The following RAD54B variants were observed in gnomAD, a reference collection of about 807,000 sequenced individuals.
RAD54B encodes RAD54 homolog B, also known as DNA repair and recombination protein RAD54B.
In RAD54B, 78 loss-of-function variants were observed where a neutral mutation model predicts 95.8. The observed-to-expected ratio is 0.81, with a 90% CI of 0.68 to 0.98. The LOEUF (loss-of-function observed/expected upper bound fraction) is 0.98. RAD54B is among the 50% of genes least tolerant of loss of function. The pLI, the probability that RAD54B is intolerant of heterozygous loss-of-function variation, is 0.00. For missense variants in RAD54B, 957 were observed against 1,056.6 expected, an observed-to-expected ratio of 0.91 and a Z score of 1.31; for synonymous variants, 328 against 354.9, an observed-to-expected ratio of 0.92 and a Z score of 0.85.
intron 3 of RAD54B, chr8:94,427,807 ACT>A (rs1049250150): frequency 2.1e-6 from 2 of 958,932 alleles, no homozygotes; most frequent in African/African-American, 1.8e-5. Context: ...AATTTATTAC[ACT>A]CTAAGTTATT....
At chr8:94,453,339 G>T (rs995261304) in intron 3 of RAD54B, among the ~76,000 whole-genome samples, 2 of 152,076 alleles carry the variant, frequency 1.3e-5, no homozygotes, top group Non-Finnish European at 2.9e-5. Flanking sequence ...AACCAGCCTG[G>T]CCAATATGGT....
chr8:94,392,262 TTTG>T (rs776672014), intron 9 of RAD54B, among the ~76,000 whole-genome samples: 9 of 152,178 alleles, frequency 5.9e-5, no homozygotes, highest in South Asian at 4.1e-4. Context: ...TTGCTTCTTT[TTTG>T]TTGTTGTTGT....
intron 3 of RAD54B, among the ~76,000 whole-genome samples, chr8:94,453,161 AAACT>A (rs1305541773): frequency 1.3e-5 from 2 of 152,218 alleles, no homozygotes; most frequent in African/African-American, 4.8e-5. Context: ...GATCCCAAAC[AAACT>A]AAATATCCAT....
chr8:94,378,327 C>G lies in RAD54B; in HGVS notation c.2368G>C (p.Gly790Arg), dbSNP rs897014810. The G allele has an allele frequency of 6.2e-7, 1 of 1,613,960 alleles. No homozygotes were observed. The highest frequency in any genetic ancestry group is 1.3e-5 in the African/African-American group (1 of 75,022). ...QRQISKQGLC[G>R]AVVDLTKTSE... ...GTCTTGGTGAGGTCGACAACTGCCC[C>G]ACAAAGACCTTGCTTACTGATCTGC... The change falls in exon 14 of 15, where the codon GGG becomes CGG. Residue 790 changes from glycine (G) to arginine (R), a missense_variant. Coordinates refer to ENST00000336148, the MANE Select transcript of RAD54B (RefSeq NM_012415.3).
intron 3 of RAD54B, among the ~76,000 whole-genome samples, chr8:94,422,863 A>T (rs1811857887): frequency 6.7e-6 from 1 of 149,600 alleles, no homozygotes. Context: ...GCTATGTTCC[A>T]CTATCCTATG....
In RAD54B at chr8:94,405,877, T is replaced by G. The variant is rs967359609; in HGVS notation, c.781+1562A>C. Among the ~76,000 whole-genome samples, 16 of 152,264 alleles carry G rather than the reference T, an allele frequency of 1.1e-4. No individual in the cohort carries two copies. In the East Asian group the frequency reaches 2.7e-3, roughly 26 times the overall value. ...TTAAGATGTTTCTTTATCTTCACAA[T>G]GATGAAGACGATCATTTAATATTAA... is the stretch of plus-strand genomic sequence containing the variant. On this transcript the variant is annotated intron_variant, in intron 5 of 14. Coordinates refer to ENST00000336148, the MANE Select transcript of RAD54B (RefSeq NM_012415.3).
intron 1 of RAD54B, among the ~76,000 whole-genome samples, chr8:94,468,500 G>C (rs1813084705): frequency 6.6e-6 from 1 of 151,060 alleles, no homozygotes; most frequent in Non-Finnish European, 1.5e-5. Flanking sequence ...CTTGAACCTA[G>C]GAGCTTCGTC....
chr8:94,400,256 C>G lies in RAD54B; in HGVS notation c.1152G>C (p.Lys384Asn). The change falls in exon 7 of 15, where the codon AAG (lysine) becomes AAC (asparagine). Residue 384 changes from lysine (K) to asparagine (N), a missense_variant. Transcript: ENST00000336148. ...FQKWLGSERI[K>N]IFTVDQDHKV... ...TTCTTACCTGATCAACAGTAAATAT[C>G]TTGATCCTTTCACTTCCTAGCCATT... is the stretch of plus-strand genomic sequence containing the variant. 6.2e-7 allele frequency: 1 copy of G among 1,612,606 alleles called. No individual in the cohort carries two copies. Among genetic ancestry groups the G allele is most frequent in the African/African-American group, 1.3e-5 (1 of 74,988 alleles).
intron 3 of RAD54B, among the ~76,000 whole-genome samples, chr8:94,416,200 G>A (rs2130054357): frequency 6.6e-6 from 1 of 151,596 alleles, no homozygotes; most frequent in South Asian, 2.1e-4. Context: ...AAAATGATGA[G>A]TTCATGTCCT....
At chr8:94,407,747 A>AT in intron 4 of RAD54B, 27 bp from the exon 5 acceptor site, 4 of 1,588,318 alleles carry the variant, frequency 2.5e-6, no homozygotes, top group Non-Finnish European at 3.4e-6. Context: ...AAAAAAATTA[A>AT]TTGACACTCT....
At chr8:94,387,397 C>A in intron 10 of RAD54B, 1 of 328,618 alleles carries the variant, frequency 3.0e-6, no homozygotes, top group Admixed American at 4.8e-5. Context: ...TACCTTCACC[C>A]TGCAAGTGTA....
intron 3 of RAD54B, among the ~76,000 whole-genome samples, chr8:94,434,685 A>G (rs1380884760): frequency 1.3e-5 from 2 of 151,832 alleles, no homozygotes; most frequent in Non-Finnish European, 3.0e-5. Flanking sequence ...TCAAATAAAT[A>G]TAAGCACATT....
chr8:94,433,689 G>T (rs577807994), intron 3 of RAD54B, among the ~76,000 whole-genome samples: 1 of 151,572 alleles, frequency 6.6e-6, no homozygotes, highest in South Asian at 2.1e-4. Flanking sequence ...AAGAATATCT[G>T]CTCCTTGAGG....
chr8:94,377,963 G>A (rs1351267423), intron 14 of RAD54B, among the ~76,000 whole-genome samples: 2 of 99,434 alleles, frequency 2.0e-5, no homozygotes, highest in African/African-American at 8.2e-5. Flanking sequence ...GCGACAGAGC[G>A]AGACTCCGTC....
At chr8:94,399,712 G>A (rs937816811) in intron 7 of RAD54B, 91 bp from the exon 8 acceptor site, 11 of 1,425,108 alleles carry the variant, frequency 7.7e-6, no homozygotes, top group Non-Finnish European at 9.2e-6. Context: ...CACTTACTAA[G>A]AACTGGAATG....
chr8:94,444,797 G>A (rs1563660221), intron 3 of RAD54B, among the ~76,000 whole-genome samples: 1 of 152,098 alleles, frequency 6.6e-6, no homozygotes, highest in African/African-American at 2.4e-5. Flanking sequence ...GTTTACAATT[G>A]TAAATTCTTC....
intron 2 of RAD54B, among the ~76,000 whole-genome samples, chr8:94,465,710 T>G (rs1463310653): frequency 3.3e-5 from 5 of 152,144 alleles, no homozygotes; most frequent in Non-Finnish European, 5.9e-5. Context: ...TGGATGCCAA[T>G]GTTCACAGCA....
chr8:94,404,279 T>G, intron 5 of RAD54B, 40 bp from the exon 6 acceptor site: 2 of 1,490,790 alleles, frequency 1.3e-6, no homozygotes, highest in Non-Finnish European at 1.8e-6. Context: ...TAATTTCACT[T>G]TTTCAGCAAC....
In RAD54B at chr8:94,387,013, CG is replaced by C. The variant is rs1563637347; in HGVS notation, c.1955del (p.Ala652GlyfsTer22). The C allele has an allele frequency of 1.2e-6, 2 of 1,607,518 alleles. No individual in the cohort carries two copies. On this transcript the variant is annotated frameshift_variant, in exon 11 of 15. Transcript: ENST00000336148. LOFTEE classifies it high-confidence loss of function. ...GKLQVLSKLL[A>X]VIHELRPTEK... ...CAGTAGGTCGAAGTTCGTGGATAAC[CG>C]CTAAGAGCTTGGACAACACCTGTAG...
Sources: gnomAD v4.1 joint callset for allele counts (sites outside exome capture counted in the v4.1 genomes callset) on GRCh38, gnomAD v4.1.1 for gene constraint, MANE v1.5 for transcripts, NCBI Gene and HGNC (gene_info 2026-07-23, HGNC 2026-07-21) for gene names.